The following FER1L6 variants were observed in gnomAD, a reference collection of about 807,000 sequenced individuals.
FER1L6 encodes the protein fer-1-like protein 6.
Under a neutral mutation model 219.2 loss-of-function variants are expected in FER1L6, and 177 were observed. That is an observed-to-expected ratio of 0.81 (90% CI 0.71 to 0.91). The LOEUF (loss-of-function observed/expected upper bound fraction) is 0.91. FER1L6 is among the 40% of genes least tolerant of loss of function. FER1L6 has a pLI of 0.00. For synonymous variants in FER1L6, 768 were observed against 824.3 expected, an observed-to-expected ratio of 0.93 and a Z score of 1.17; for missense variants, 2,153 against 2,259.9, an observed-to-expected ratio of 0.95 and a Z score of 0.96.
chr8:124,044,707 T>C (rs990998833), intron 20 of FER1L6, among the ~76,000 whole-genome samples: 1 of 152,256 alleles, frequency 6.6e-6, no homozygotes, highest in Non-Finnish European at 1.5e-5. Context: ...TTTCCAGGAC[T>C]AGTCTCCTGC....
At position 123,854,351 on chromosome 8, in the gene FER1L6, G is replaced by A. The variant is rs537958366; in HGVS notation, c.-8+2166G>A. On this transcript the variant is annotated intron_variant, in intron 1 of 40. Coordinates refer to ENST00000522917, the MANE Select transcript of FER1L6 (RefSeq NM_001039112.2). ...GGGGAAATCCAAGGCTCCTCCCACA[G>A]TGCACACCCAGATGTCTGCGTGTTC... 2.0e-5 allele frequency among the ~76,000 whole-genome samples: 3 copies of A among 152,278 alleles called. No individual in the cohort carries two copies. The South Asian group carries it at 6.2e-4, about 32-fold the overall frequency.
rs569645051 is a variant in FER1L6 at position 124,023,960 on chromosome 8, G to A, written c.2286+364G>A. 1.3e-4 allele frequency among the ~76,000 whole-genome samples: 20 copies of A among 150,596 alleles called. 2 individuals are homozygous for A. In the South Asian group the frequency reaches 3.8e-3, roughly 28 times the overall value. On this transcript the variant is annotated intron_variant, in intron 18 of 40. Transcript: ENST00000522917. ...CGCCCGGGCTGGAGTGCAGTGGCGT[G>A]ACCTCGGCTCACTGCAACCTCCGCC...
At chr8:123,901,589 C>A (rs1179281651) in intron 1 of FER1L6, among the ~76,000 whole-genome samples, 7 of 151,878 alleles carry the variant, frequency 4.6e-5, no homozygotes, top group Non-Finnish European at 1.0e-4. Context: ...GAGGTGTGAC[C>A]TTAGAATGTC....
intron 14 of FER1L6, among the ~76,000 whole-genome samples, chr8:124,012,953 C>T (rs990655611): frequency 6.6e-6 from 1 of 152,186 alleles, no homozygotes; most frequent in Non-Finnish European, 1.5e-5. Flanking sequence ...CAATCTGTCC[C>T]ATTATCTGGC....
chr8:124,069,760 G>GA (rs1315733985), intron 29 of FER1L6, among the ~76,000 whole-genome samples: 4 of 152,180 alleles, frequency 2.6e-5, no homozygotes, highest in African/African-American at 7.2e-5. Flanking sequence ...CCCATCTCTA[G>GA]GTGCTTGTCA....
intron 2 of FER1L6, among the ~76,000 whole-genome samples, chr8:123,960,977 G>A (rs749754236): frequency 2.0e-5 from 3 of 152,116 alleles, no homozygotes; most frequent in South Asian, 2.1e-4. Flanking sequence ...ATCTGGGCAC[G>A]GTGGCTCATG....
intron 25 of FER1L6, among the ~76,000 whole-genome samples, chr8:124,063,079 C>T (rs939665737): frequency 1.8e-4 from 28 of 152,338 alleles, no homozygotes; most frequent in Non-Finnish European, 3.5e-4. Context: ...GCACACCCTT[C>T]ATACCCTTGC....
At chr8:123,978,883 C>T (rs963021680) in intron 10 of FER1L6, among the ~76,000 whole-genome samples, 3 of 152,132 alleles carry the variant, frequency 2.0e-5, no homozygotes, top group Non-Finnish European at 4.4e-5. Context: ...TTGCTATATG[C>T]AGAAAGCACC....
intron 23 of FER1L6, 86 bp downstream of exon 23, chr8:124,060,376 G>A: frequency 6.9e-7 from 1 of 1,453,372 alleles, no homozygotes; most frequent in Non-Finnish European, 9.6e-7. Context: ...GATATGGAAT[G>A]GGCGGGAGAC....
At chr8:123,991,094 G>A (rs115882484) in intron 12 of FER1L6, among the ~76,000 whole-genome samples, 2,519 of 152,294 alleles carry the variant, frequency 0.017, 64 homozygotes, top group East Asian at 0.049. Context: ...CCAATACCAT[G>A]CTGTTTTAGT....
chr8:124,114,917 A>G (rs1049688255), intron 39 of FER1L6, among the ~76,000 whole-genome samples: 1 of 139,918 alleles, frequency 7.1e-6, no homozygotes, highest in African/African-American at 2.8e-5. Context: ...ATATATATAT[A>G]TATATATATA....
At chr8:123,982,576 A>G (rs1321277793) in intron 11 of FER1L6, among the ~76,000 whole-genome samples, 1 of 152,194 alleles carries the variant, frequency 6.6e-6, no homozygotes, top group Non-Finnish European at 1.5e-5. Context: ...TGCTGGATTT[A>G]TTAGTTATCT....
intron 1 of FER1L6, among the ~76,000 whole-genome samples, chr8:123,924,409 G>T (rs911266067): frequency 1.3e-5 from 2 of 151,846 alleles, no homozygotes; most frequent in African/African-American, 4.8e-5. Flanking sequence ...GGGCATGGCG[G>T]CAGATGCCTG....
chr8:123,950,378 G>C (rs183020072), intron 1 of FER1L6, among the ~76,000 whole-genome samples: 5 of 152,318 alleles, frequency 3.3e-5, no homozygotes, highest in African/African-American at 1.2e-4. Context: ...GGGTGGGCAG[G>C]AAGCATGCAA....
At chr8:123,942,254 G>C (rs1211007648) in intron 1 of FER1L6, among the ~76,000 whole-genome samples, 1 of 152,118 alleles carries the variant, frequency 6.6e-6, no homozygotes, top group African/African-American at 2.4e-5. Flanking sequence ...CACTTTAGAG[G>C]CTCCTACACC....
At chr8:124,116,269 C>A (rs770756176) in intron 39 of FER1L6, among the ~76,000 whole-genome samples, 2 of 152,022 alleles carry the variant, frequency 1.3e-5, no homozygotes, top group African/African-American at 2.4e-5. Context: ...ATGCATGAAA[C>A]ACCATGCAAG....
intron 1 of FER1L6, among the ~76,000 whole-genome samples, chr8:123,937,315 G>A (rs1043145869): frequency 2.0e-5 from 3 of 152,164 alleles, no homozygotes; most frequent in Admixed American, 6.5e-5. Flanking sequence ...GAAAGGCCTC[G>A]TACTAAAATA....
intron 20 of FER1L6, among the ~76,000 whole-genome samples, chr8:124,042,893 T>C (rs1819568160): frequency 6.6e-6 from 1 of 152,144 alleles, no homozygotes. Flanking sequence ...AGAAATCTTG[T>C]GATTGAAATA....
intron 13 of FER1L6, among the ~76,000 whole-genome samples, chr8:124,005,553 C>G (rs770216933): frequency 6.6e-6 from 1 of 152,212 alleles, no homozygotes; most frequent in Non-Finnish European, 1.5e-5. Context: ...TCCTCACCTC[C>G]CCCAAGCACT....
Sources: allele counts gnomAD v4.1 joint callset (sites outside exome capture counted in the v4.1 genomes callset), GRCh38; gene constraint gnomAD v4.1.1; transcripts MANE v1.5; gene names NCBI Gene and HGNC (gene_info 2026-07-23, HGNC 2026-07-21).